Variants in FBN1 observed in about 807,000 individuals in gnomAD.
FBN1 encodes the protein fibrillin-1.
Under a neutral mutation model 365.1 loss-of-function variants are expected in FBN1, and 29 were observed. The ratio of observed to expected loss-of-function variants is 0.08; its 90% confidence interval spans 0.06 to 0.11. FBN1 has a LOEUF of 0.11. Among genes scored for constraint, FBN1 ranks in the 10% least tolerant of loss-of-function variants. The probability of loss-of-function intolerance (pLI) is 1.00; values close to 1 mark genes in which losing one functional copy is unlikely to be tolerated. For missense variants in FBN1, 2,476 were observed against 3,703.2 expected, an observed-to-expected ratio of 0.67 and a Z score of 8.60; for synonymous variants, 1,210 against 1,270.5, an observed-to-expected ratio of 0.95 and a Z score of 1.01.
At chr15:48,428,239 C>T (rs2042995864) in intron 57 of FBN1, 107 bp downstream of exon 57, 2 of 1,414,914 alleles carry the variant, frequency 1.4e-6, no homozygotes, top group Non-Finnish European at 2.0e-6. Context: ...ATTTTTTATC[C>T]TTCCTCAGAT....
In FBN1 at chr15:48,526,216, C is replaced by A. The variant is rs142888621; in HGVS notation, c.902G>T (p.Gly301Val). The A allele has an allele frequency of 2.5e-4, 406 of 1,614,020 alleles. No homozygotes were observed. The highest frequency in any genetic ancestry group is 3.3e-4 in the Middle Eastern group (2 of 6,060). The change falls in exon 9 of 66, where the codon GGG becomes GTG. Residue 301 changes from glycine to valine, a missense_variant. Coordinates refer to ENST00000316623, the MANE Select transcript of FBN1 (RefSeq NM_000138.5). ...GCTGACTGTGTTTGTACATTCACCC[C>A]CTTCACAGATTCCAGGAATGGTGCT... ...ECSTIPGICE[G>V]GECTNTVSSY...
At chr15:48,527,395 C>A (rs1300282871) in intron 8 of FBN1, among the ~76,000 whole-genome samples, 1 of 152,206 alleles carries the variant, frequency 6.6e-6, no homozygotes, top group Non-Finnish European at 1.5e-5. Flanking sequence ...CCTTCTTAGG[C>A]TAGAAGTAAA....
intron 2 of FBN1, among the ~76,000 whole-genome samples, chr15:48,631,045 T>C (rs1266696016): frequency 2.0e-5 from 3 of 152,194 alleles, no homozygotes; most frequent in African/African-American, 7.2e-5. Context: ...GTGCAGCGTA[T>C]AGGAACTCTA....
At chr15:48,532,932 C>T (rs1178004140) in intron 8 of FBN1, among the ~76,000 whole-genome samples, 1 of 152,108 alleles carries the variant, frequency 6.6e-6, no homozygotes, top group Non-Finnish European at 1.5e-5. Flanking sequence ...ATTATAAATT[C>T]AATGATGATT....
intron 55 of FBN1, among the ~76,000 whole-genome samples, chr15:48,431,615 T>C (rs1413036157): frequency 6.7e-6 from 1 of 149,998 alleles, no homozygotes; most frequent in African/African-American, 2.5e-5. Context: ...AAAGCTTACA[T>C]TATGCAATAA....
At chr15:48,451,256 T>C (rs2043199045) in intron 45 of FBN1, among the ~76,000 whole-genome samples, 1 of 152,224 alleles carries the variant, frequency 6.6e-6, no homozygotes, top group Non-Finnish European at 1.5e-5. Flanking sequence ...CTGGAATTAT[T>C]TCATCCAGTT....
intron 32 of FBN1, among the ~76,000 whole-genome samples, chr15:48,476,390 C>A (rs984366222): frequency 6.6e-6 from 1 of 152,114 alleles, no homozygotes; most frequent in African/African-American, 2.4e-5. Flanking sequence ...GTATCAAAGC[C>A]TCCAGATGTT....
intron 27 of FBN1, 44 bp from the exon 28 acceptor site, chr15:48,487,481 C>A: frequency 6.2e-7 from 1 of 1,609,320 alleles, no homozygotes; most frequent in South Asian, 1.1e-5. Flanking sequence ...GGCCTCATCT[C>A]CTCCACCAGA....
At chr15:48,643,759 T>C (rs922102237) in intron 2 of FBN1, 1 of 152,232 alleles carries the variant, frequency 6.6e-6, no homozygotes, top group African/African-American at 2.4e-5. Context: ...TCCATCCTGT[T>C]GTTTCCATGG....
At chr15:48,508,976 T>C (rs1357114227) in intron 14 of FBN1, among the ~76,000 whole-genome samples, 1 of 152,166 alleles carries the variant, frequency 6.6e-6, no homozygotes, top group Admixed American at 6.5e-5. Context: ...TCCATAGAAG[T>C]TATCAGGATC....
intron 44 of FBN1, 95 bp from the exon 45 acceptor site, chr15:48,452,779 G>C: frequency 7.2e-7 from 1 of 1,397,516 alleles, no homozygotes; most frequent in Middle Eastern, 2.1e-4. Flanking sequence ...ATTTTATTTT[G>C]ATCTGTTCTA....
At position 48,572,532 on chromosome 15, in the gene FBN1, AAAC is replaced by A. The variant is rs199813321; in HGVS notation, c.538+23748_538+23750del. ...AATTTAATTAGTTTGTTAAAAAAAA[AAAC>A]AAAGACCCCTCAAAGAATAGGAAGC... On this transcript the variant is annotated intron_variant, in intron 6 of 65. Transcript: ENST00000316623. 0.016 allele frequency among the ~76,000 whole-genome samples: 2,456 copies of A among 152,108 alleles called. 189 individuals are homozygous for A. In the East Asian group the frequency reaches 0.23, roughly 14 times the overall value.
rs73392115 is a variant in FBN1, at chr15:48,426,141, A to G, written c.7205-277T>C. Among the ~76,000 whole-genome samples the G allele has an allele frequency of 0.025, 3,745 of 152,222 alleles. 80 individuals carry two copies. The highest frequency in any genetic ancestry group is 0.081 in the East Asian group (419 of 5,166). On this transcript the variant is annotated intron_variant, in intron 58 of 65. Coordinates refer to ENST00000316623, the MANE Select transcript of FBN1 (RefSeq NM_000138.5). ...CTAAATGTATATTTTTCTCTTCTGG[A>G]TCCATAGAACAGCCACCCCATCTAG...
chr15:48,539,770 T>G (rs2141360879), intron 6 of FBN1, among the ~76,000 whole-genome samples: 1 of 152,192 alleles, frequency 6.6e-6, no homozygotes, highest in African/African-American at 2.4e-5. Context: ...CCCTGTCTCC[T>G]GACACTTTCT....
chr15:48,428,441 A>T lies in FBN1; in HGVS notation c.6902T>A (p.Ile2301Asn). 1 of 1,614,050 alleles carries T rather than the reference A, an allele frequency of 6.2e-7. No homozygotes were observed. The highest frequency in any genetic ancestry group is 8.5e-7 in the Non-Finnish European group (1 of 1,179,956). The change falls in exon 57 of 66, where the codon ATC becomes AAC. Residue 2301 changes from isoleucine to asparagine, a missense_variant. Around this residue, in one of 5 missense-constraint regions of FBN1, gnomAD observed 1,780 missense variants for 2,840.8 expected, o/e 0.63. Transcript: ENST00000316623. ...DENECQTKPG[I>N]CENGRCLNTR... Reference sequence around the variant, plus strand: ...GTTGAGGCAGCGCCCATTCTCACAGATCCCTGGCTTCGTCTGACATTCATT... The same window carrying T: ...GTTGAGGCAGCGCCCATTCTCACAGTTCCCTGGCTTCGTCTGACATTCATT...
intron 4 of FBN1, among the ~76,000 whole-genome samples, chr15:48,607,943 GGAATTAAAGTCTA>G (rs2044627100): frequency 6.6e-6 from 1 of 152,158 alleles, no homozygotes; most frequent in South Asian, 2.1e-4. Context: ...AAAGAGGGCT[GGAATTAAAGTCTA>G]GAAAAACTAC....
intron 42 of FBN1, among the ~76,000 whole-genome samples, chr15:48,461,023 T>A (rs1006012402): frequency 6.6e-5 from 10 of 152,186 alleles, no homozygotes; most frequent in African/African-American, 2.4e-4. Flanking sequence ...ATGGTATCAA[T>A]CTAAGCTTCA....
rs147511977 is a variant in FBN1 at position 48,513,607 on chromosome 15, C to A, written c.1530G>T (p.Ser510=). ...AGGECINNQG[S]YTCQCRAGYQ... is the part of the protein sequence containing the mutation. ...ATCCAGCTCGGCACTGACAGGTGTA[C>A]GAACCCTGGTTGTTAATACACTCAC... The change falls in exon 13 of 66, where the codon TCG becomes TCT. Residue 510 remains serine (S), a synonymous_variant. Transcript: ENST00000316623. 2.3e-5 allele frequency: 37 copies of A among 1,613,856 alleles called. No homozygotes were observed. In the African/African-American group the frequency reaches 4.7e-4, roughly 20 times the overall value.
rs374318726 is a variant in FBN1, at chr15:48,534,180, G to A, written c.762C>T (p.Pro254=). 88 of 1,613,442 alleles carry A rather than the reference G, an allele frequency of 5.5e-5. No homozygotes were observed. Among genetic ancestry groups the A allele is most frequent in the Middle Eastern group, 1.7e-4 (1 of 6,060 alleles). Residue 254 remains proline (P), a synonymous_variant, in exon 8 of 66, where the codon CCC becomes CCT. Coordinates refer to ENST00000316623, the MANE Select transcript of FBN1 (RefSeq NM_000138.5). ...TGCAATTTCCTCCCTGACAGAGCCC[G>A]GGGATGGCCTGGCATTCATCCACAT... ...CQDVDECQAI[P]GLCQGGNCIN...
Sources: gnomAD v4.1 joint callset for allele counts (sites outside exome capture counted in the v4.1 genomes callset) on GRCh38, gnomAD v4.1.1 for gene constraint, gnomAD v4.1.1 regional missense constraint, MANE v1.5 for transcripts, NCBI Gene and HGNC (gene_info 2026-07-23, HGNC 2026-07-21) for gene names.